Variants in PTER observed in about 807,000 individuals in gnomAD.
PTER encodes the protein N-acetyltaurine hydrolase.
Under a neutral mutation model 29.6 loss-of-function variants are expected in PTER, and 38 were observed. The observed-to-expected ratio is 1.28, with a 90% CI of 0.99 to 1.68. The LOEUF (loss-of-function observed/expected upper bound fraction) is 1.68. Among genes scored for constraint, PTER ranks in the 40% most tolerant of loss-of-function variants. The pLI is 0.00. For missense variants in PTER, 482 were observed against 427.8 expected (o/e 1.13, Z -1.12); for synonymous variants, 172 against 154.5 (o/e 1.11, Z -0.84).
At chr10:16,460,762 A>G (rs564170016) in intron 1 of PTER, among the ~76,000 whole-genome samples, 1 of 152,180 alleles carries the variant, frequency 6.6e-6, no homozygotes, top group African/African-American at 2.4e-5. Context: ...TTTTTTAAAT[A>G]GAGTCTCACT....
chr10:16,492,748 C>T (rs1188022850), intron 3 of PTER, among the ~76,000 whole-genome samples: 5 of 152,124 alleles, frequency 3.3e-5, no homozygotes, highest in Non-Finnish European at 7.3e-5. Context: ...AAATCCAGGG[C>T]CTAGAGTTTG....
At chr10:16,497,394 C>T (rs1415817886) in intron 3 of PTER, among the ~76,000 whole-genome samples, 1 of 152,138 alleles carries the variant, frequency 6.6e-6, no homozygotes. Flanking sequence ...TTTTTTAGCA[C>T]ATTTAACTAT....
intron 1 of PTER, among the ~76,000 whole-genome samples, chr10:16,472,946 G>A (rs1835106703): frequency 1.3e-5 from 2 of 151,004 alleles, no homozygotes; most frequent in African/African-American, 4.9e-5. Context: ...AGTATTTGTA[G>A]AGTAATTTAA....
chr10:16,480,400 T>C (rs1423299330), intron 1 of PTER, among the ~76,000 whole-genome samples: 1 of 152,038 alleles, frequency 6.6e-6, no homozygotes, highest in Non-Finnish European at 1.5e-5. Context: ...TTCATCATGC[T>C]GGCCAGGCTG....
chr10:16,485,932 T>TA lies in PTER; in HGVS notation c.433-412dup, dbSNP rs1011805037. On this transcript the variant is annotated intron_variant, in intron 2 of 4. Coordinates refer to ENST00000535784, the MANE Select transcript of PTER (RefSeq NM_001261836.2). ...TAACATGGTGAGACCTCTGCTTCTT[T>TA]AAAAAAAACAAAGAAGAAAGAAAAA... Among the ~76,000 whole-genome samples, 11 of 151,918 alleles carry TA rather than the reference T, an allele frequency of 7.2e-5. 1 individual carries two copies. Among genetic ancestry groups the TA allele is most frequent in the South Asian group, 4.2e-4 (2 of 4,806 alleles).
At chr10:16,515,270 T>C (rs551191578), downstream of PTER, among the ~76,000 whole-genome samples, 56 of 151,526 alleles carry the variant, frequency 3.7e-4, no homozygotes, top group African/African-American at 1.4e-3. Flanking sequence ...GCTTTCCAAA[T>C]CTAATTCATG....
At chr10:16,515,279 T>C (rs890594375), downstream of PTER, among the ~76,000 whole-genome samples, 4 of 151,930 alleles carry the variant, frequency 2.6e-5, no homozygotes, top group Admixed American at 1.3e-4. Context: ...ATCTAATTCA[T>C]GTAAAGCCCC....
chr10:16,460,013 G>A (rs570593384), intron 1 of PTER, among the ~76,000 whole-genome samples: 19 of 152,306 alleles, frequency 1.2e-4, no homozygotes, highest in Middle Eastern at 3.4e-3. Flanking sequence ...CTCCCACAGT[G>A]CTGGGATTAC....
At chr10:16,454,100 A>AT (rs985536672) in intron 1 of PTER, among the ~76,000 whole-genome samples, 36 of 152,222 alleles carry the variant, frequency 2.4e-4, no homozygotes, top group Admixed American at 2.1e-3. Context: ...GTCTGTGTCT[A>AT]TTTTTTTGTG....
chr10:16,482,596 A>G (rs970735582), intron 1 of PTER, among the ~76,000 whole-genome samples: 1 of 152,094 alleles, frequency 6.6e-6, no homozygotes, highest in Admixed American at 6.6e-5. Context: ...GATATGGGGG[A>G]AATGATGACT....
At chr10:16,479,570 C>T (rs947598857) in intron 1 of PTER, among the ~76,000 whole-genome samples, 14 of 152,082 alleles carry the variant, frequency 9.2e-5, no homozygotes, top group African/African-American at 2.9e-4. Flanking sequence ...AGTGCAGCCG[C>T]GCTCTGTGAT....
chr10:16,514,612 A>G, downstream of PTER: 1 of 1,613,904 alleles, frequency 6.2e-7, no homozygotes, highest in Non-Finnish European at 8.5e-7. Flanking sequence ...CTAATTTGAT[A>G]TAGACTTCAT....
chr10:16,453,213 G>A (rs1834277434), intron 1 of PTER, among the ~76,000 whole-genome samples: 1 of 152,110 alleles, frequency 6.6e-6, no homozygotes, highest in African/African-American at 2.4e-5. Context: ...ACTGCACCTG[G>A]CCAGGTTATT....
At chr10:16,444,699 G>A (rs751221477) in intron 1 of PTER, among the ~76,000 whole-genome samples, 1 of 152,084 alleles carries the variant, frequency 6.6e-6, no homozygotes, top group African/African-American at 2.4e-5. Flanking sequence ...AGCTAGCAAA[G>A]CTCTTATATT....
chr10:16,475,722 G>T (rs45543237), intron 1 of PTER, among the ~76,000 whole-genome samples: 18,774 of 152,178 alleles, frequency 0.12, 1,380 homozygotes, highest in South Asian at 0.23. Flanking sequence ...GCTTATCCAT[G>T]GATAATGAGG....
At chr10:16,486,834 A>T in intron 3 of PTER, 1 of 520,422 alleles carries the variant, frequency 1.9e-6, no homozygotes, top group Non-Finnish European at 3.3e-6. Flanking sequence ...TGTCCTAGGT[A>T]TTTCACATAA....
intron 1 of PTER, among the ~76,000 whole-genome samples, chr10:16,449,973 G>A (rs1834148080): frequency 6.6e-6 from 1 of 152,116 alleles, no homozygotes; most frequent in Admixed American, 6.6e-5. Context: ...AACACCCTGA[G>A]TTGCAACATT....
chr10:16,505,260 G>T, intron 4 of PTER, 100 bp downstream of exon 4: 1 of 1,426,112 alleles, frequency 7.0e-7, no homozygotes, highest in Non-Finnish European at 9.5e-7. Context: ...ACAGTAAGCA[G>T]GCCGAACCAC....
At chr10:16,503,399 G>GTTTTGT (rs1208468494) in intron 3 of PTER, among the ~76,000 whole-genome samples, 2 of 149,716 alleles carry the variant, frequency 1.3e-5, no homozygotes, top group African/African-American at 2.5e-5. Context: ...GCTAATTTTT[G>GTTTTGT]TTTTGTTTTT....
Sources: allele counts gnomAD v4.1 joint callset (sites outside exome capture counted in the v4.1 genomes callset), GRCh38; gene constraint gnomAD v4.1.1; transcripts MANE v1.5; gene names NCBI Gene and HGNC (gene_info 2026-07-23, HGNC 2026-07-21).